The following NOX4 variants were observed in gnomAD, a reference collection of about 807,000 sequenced individuals.
NOX4 encodes NADPH oxidase 4.
Under a neutral mutation model 87.6 loss-of-function variants are expected in NOX4, and 69 were observed. The observed-to-expected ratio is 0.79, with a 90% CI of 0.65 to 0.96. The LOEUF (loss-of-function observed/expected upper bound fraction) is 0.96, where lower values mean the gene tolerates loss of function less well. Ranked by LOEUF, NOX4 falls within the 40% of genes least tolerant of loss-of-function variation. NOX4 has a pLI of 0.00. For missense variants in NOX4, 680 were observed against 681.5 expected (o/e 1.00, Z 0.02); for synonymous variants, 275 against 238.2 (o/e 1.15, Z -1.42).
At chr11:89,342,748 T>G (rs921450810) in intron 13 of NOX4, among the ~76,000 whole-genome samples, 1 of 152,172 alleles carries the variant, frequency 6.6e-6, no homozygotes, top group African/African-American at 2.4e-5. Flanking sequence ...GTTCTTTAGC[T>G]GTAAAGGACA....
intron 12 of NOX4, among the ~76,000 whole-genome samples, chr11:89,364,330 CTA>C (rs891013310): frequency 1.3e-5 from 2 of 151,594 alleles, no homozygotes; most frequent in Non-Finnish European, 2.9e-5. Context: ...ATATATTTGC[CTA>C]TATATATTAC....
chr11:89,518,489 C>T, the NOX4 span, among the ~76,000 whole-genome samples: 18 of 152,052 alleles, frequency 1.2e-4, no homozygotes, highest in East Asian at 5.8e-4. Context: ...GGGATTCTAT[C>T]GTAGTAATTC....
Position 89,330,390 on chromosome 11 carries a change from CT to C in NOX4, c.1617-3515del, listed in dbSNP as rs535498725. 2.6e-5 allele frequency among the ~76,000 whole-genome samples: 4 copies of C among 151,978 alleles called. No individual in the cohort carries two copies. In the South Asian group the frequency reaches 8.3e-4, roughly 31 times the overall value. On this transcript the variant is annotated intron_variant, in intron 17 of 17. Coordinates refer to ENST00000263317, the MANE Select transcript of NOX4 (RefSeq NM_016931.5). ...ACATAAACATAAAAAATAAAATAGG[CT>C]GTGATAAGCTAATGATGTATACTGT...
chr11:89,535,140 A>G, the NOX4 span, among the ~76,000 whole-genome samples: 2 of 152,332 alleles, frequency 1.3e-5, no homozygotes, highest in South Asian at 4.1e-4. Context: ...AAGGAAAAAA[A>G]GGAAGAATAT....
In NOX4 at chr11:89,325,112, A is replaced by ACTTTTTTTTTTTTTTT. The variant is rs1565158726; in HGVS notation, c.*1643_*1644insAAAAAAAAAAAAAAAG. ...ATCACTAAACTGTATGAATGCTTTA[A>ACTTTTTTTTTTTTTTT]TTCTTTTTTTTTTTTTTTTTTTTTT... On this transcript the variant is annotated 3_prime_UTR_variant, in exon 18 of 18. Transcript: ENST00000263317. 4 of 71,244 alleles carry ACTTTTTTTTTTTTTTT rather than the reference A, an allele frequency of 5.6e-5. 1 individual carries two copies. The highest frequency in any genetic ancestry group is 1.2e-4 in the Non-Finnish European group (4 of 32,280). 4.4% of individuals were successfully genotyped at this position (71,244 alleles called of 1,614,324 possible).
At chr11:89,477,325 C>A (rs1946207696) in intron 2 of NOX4, among the ~76,000 whole-genome samples, 1 of 152,026 alleles carries the variant, frequency 6.6e-6, no homozygotes, top group Admixed American at 6.6e-5. Context: ...AAGGTTCATG[C>A]TCTTAAGAGA....
chr11:89,326,847 G>A lies in NOX4; in HGVS notation c.1646C>T (p.Pro549Leu). The change falls in exon 18 of 18, where the codon CCC (proline) becomes CTC (leucine). Residue 549 changes from proline (P) to leucine (L), a missense_variant. Transcript: ENST00000263317. ...ATGAAGAGTCTTGGATAGTGAATTG[G>A]GTCCACAACAGAAAACACCAACTGT... ...GKTVGVFCCG[P>L]NSLSKTLHKL... 6.2e-7 allele frequency: 1 copy of A among 1,613,022 alleles called. No homozygotes were observed. The highest frequency in any genetic ancestry group is 8.5e-7 in the Non-Finnish European group (1 of 1,179,458).
the NOX4 span, among the ~76,000 whole-genome samples, chr11:89,575,784 T>G: frequency 6.6e-6 from 1 of 152,110 alleles, no homozygotes; most frequent in Non-Finnish European, 1.5e-5. Flanking sequence ...TTCCTTCTCT[T>G]CCTACTTCAT....
chr11:89,502,165 G>A (rs1160419457), upstream of NOX4, among the ~76,000 whole-genome samples: 1 of 151,926 alleles, frequency 6.6e-6, no homozygotes, highest in Non-Finnish European at 1.5e-5. Context: ...AGGGTGCATG[G>A]ACACCTGGGT....
chr11:89,489,510 T>C (rs1000631722), intron 2 of NOX4, among the ~76,000 whole-genome samples: 28 of 152,126 alleles, frequency 1.8e-4, no homozygotes, highest in African/African-American at 6.0e-4. Flanking sequence ...GGCGGATCAC[T>C]TGAGGTCAGG....
rs1001213664 is a variant in NOX4 at position 89,480,208 on chromosome 11, G to A, written c.153+10250C>T. ...CCCACTTCAACAGTCACACTGCAAA[G>A]GTAAAGCATATTGCATGCTAAGGGT... On this transcript the variant is annotated intron_variant, in intron 2 of 17. Transcript: ENST00000263317. 3.9e-5 allele frequency among the ~76,000 whole-genome samples: 6 copies of A among 152,112 alleles called. No individual in the cohort carries two copies. The East Asian group carries it at 1.2e-3, about 29-fold the overall frequency.
chr11:89,334,397 G>A (rs1945610887), intron 17 of NOX4, among the ~76,000 whole-genome samples: 1 of 151,660 alleles, frequency 6.6e-6, no homozygotes, highest in Non-Finnish European at 1.5e-5. Context: ...CTTCATCAAG[G>A]GAAGGGTAAT....
chr11:89,476,642 A>G (rs1315921767), intron 2 of NOX4, among the ~76,000 whole-genome samples: 1 of 152,202 alleles, frequency 6.6e-6, no homozygotes, highest in East Asian at 1.9e-4. Context: ...AAAATACCAT[A>G]TAATAATTAT....
At chr11:89,359,894 T>TTTA (rs1255769919) in intron 12 of NOX4, among the ~76,000 whole-genome samples, 1 of 152,138 alleles carries the variant, frequency 6.6e-6, no homozygotes, top group Non-Finnish European at 1.5e-5. Context: ...TCTTTGCATT[T>TTTA]TTATTAATAG....
At chr11:89,480,331 T>C (rs1157218471) in intron 2 of NOX4, among the ~76,000 whole-genome samples, 1 of 152,148 alleles carries the variant, frequency 6.6e-6, no homozygotes, top group Admixed American at 6.6e-5. Flanking sequence ...GCACCATGAC[T>C]GGAGCCTTAA....
intron 14 of NOX4, among the ~76,000 whole-genome samples, chr11:89,340,624 C>T (rs558268538): frequency 2.8e-4 from 43 of 152,166 alleles, no homozygotes; most frequent in African/African-American, 8.2e-4. Context: ...GCAAAATGAG[C>T]CAAAACCATT....
At chr11:89,469,120 T>C (rs539163066) in intron 2 of NOX4, among the ~76,000 whole-genome samples, 3 of 152,174 alleles carry the variant, frequency 2.0e-5, no homozygotes, top group Non-Finnish European at 4.4e-5. Flanking sequence ...TAGCTGACTC[T>C]AGAGAGGACT....
chr11:89,512,483 T>G, the NOX4 span, among the ~76,000 whole-genome samples: 268 of 152,180 alleles, frequency 1.8e-3, 1 homozygote, highest in African/African-American at 6.4e-3. Flanking sequence ...TTCTATGAGT[T>G]TCACCTTCTT....
intron 9 of NOX4, 124 bp downstream of exon 9, chr11:89,402,202 G>A (rs1941897702): frequency 4.0e-6 from 3 of 749,812 alleles, no homozygotes; most frequent in Non-Finnish European, 6.8e-6. Flanking sequence ...CTAACTTACT[G>A]TTGAAACATC....
Sources: allele counts gnomAD v4.1 joint callset (sites outside exome capture counted in the v4.1 genomes callset), GRCh38; gene constraint gnomAD v4.1.1; transcripts MANE v1.5; gene names NCBI Gene and HGNC (gene_info 2026-07-23, HGNC 2026-07-21).